TXNDC11: variants seen among roughly 807,000 people sequenced by gnomAD.
TXNDC11 encodes thioredoxin domain-containing protein 11.
Under a neutral mutation model 78.0 loss-of-function variants are expected in TXNDC11, and 68 were observed. The ratio of observed to expected loss-of-function variants is 0.87; its 90% CI spans 0.72 to 1.07. TXNDC11 has a LOEUF of 1.07. Among genes scored for constraint, TXNDC11 ranks in the 50% least tolerant of loss-of-function variants. The pLI is 0.00. For missense variants in TXNDC11, 1,389 were observed against 1,221.8 expected (o/e 1.14, Z -2.04); for synonymous variants, 571 against 495.2 (o/e 1.15, Z -2.03).
chr16:11,710,763 C>T (rs2051326693), intron 5 of TXNDC11, among the ~76,000 whole-genome samples: 1 of 152,092 alleles, frequency 6.6e-6, no homozygotes, highest in African/African-American at 2.4e-5. Context: ...TGCAATGAGC[C>T]GTGACTGTGC....
At position 11,742,718 on chromosome 16, in the gene TXNDC11, C is replaced by A; in HGVS notation, c.13G>T (p.Gly5Ter). MSEC[G>*]GRGGGSSSSE... is the part of the protein sequence containing the mutation. The stretch of plus-strand genomic sequence containing the variant: ...CTGCTGCTGCCGCCGCCGCGGCCTC[C>A]GCATTCCGACATTACATGCTCCCAG... Residue 5 changes from glycine (G) to a stop codon, truncating the protein, a stop_gained, in exon 1 of 12, where the codon GGA becomes TGA. Coordinates refer to ENST00000283033, the MANE Select transcript of TXNDC11 (RefSeq NM_015914.7). LOFTEE classifies it high-confidence loss of function. 3.4e-6 allele frequency: 5 copies of A among 1,483,644 alleles called. No homozygotes were observed. The highest frequency in any genetic ancestry group is 4.4e-6 in the Non-Finnish European group (5 of 1,127,236). The allele number at this position is 1,483,644 out of a possible 1,614,324, so 91.9% of individuals were successfully genotyped here.
chr16:11,695,697 A>G (rs1449846972), intron 7 of TXNDC11, among the ~76,000 whole-genome samples: 1 of 152,124 alleles, frequency 6.6e-6, no homozygotes, highest in East Asian at 1.9e-4. Flanking sequence ...AAACGTTCGT[A>G]ATGATAACGC....
intron 7 of TXNDC11, chr16:11,692,294 T>C: frequency 4.0e-6 from 2 of 495,044 alleles, no homozygotes; most frequent in South Asian, 3.8e-5. Flanking sequence ...TTACAAAAAC[T>C]GCGAGCCATC....
chr16:11,703,596 G>C (rs200225105), intron 5 of TXNDC11: 2 of 675,958 alleles, frequency 3.0e-6, no homozygotes, highest in African/African-American at 3.6e-5. Context: ...CACATGTGTG[G>C]GTATAATACA....
chr16:11,715,412 A>C (rs1335176873), intron 5 of TXNDC11, among the ~76,000 whole-genome samples: 1 of 151,244 alleles, frequency 6.6e-6, no homozygotes, highest in Non-Finnish European at 1.5e-5. Context: ...CATGAGTTCA[A>C]GGTTACCACT....
At chr16:11,742,315 AGGT>A (rs2052424149) in intron 1 of TXNDC11, 159 bp downstream of exon 1, 1 of 509,378 alleles carries the variant, frequency 2.0e-6, no homozygotes, top group Non-Finnish European at 3.2e-6. Flanking sequence ...GGCGAGGAGA[AGGT>A]GGGAAGCCGT....
intron 5 of TXNDC11, among the ~76,000 whole-genome samples, chr16:11,700,932 C>T (rs1034823477): frequency 6.6e-6 from 1 of 152,124 alleles, no homozygotes; most frequent in African/African-American, 2.4e-5. Flanking sequence ...CTCATCTCAG[C>T]TCCTACTTTC....
intron 4 of TXNDC11, among the ~76,000 whole-genome samples, chr16:11,722,704 G>C (rs1391620682): frequency 6.6e-6 from 1 of 152,126 alleles, no homozygotes; most frequent in Admixed American, 6.5e-5. Context: ...CAAATGAAAA[G>C]AATCCTTTTG....
In TXNDC11 at chr16:11,679,664, A is replaced by C. The variant is rs2050368387; in HGVS notation, c.2408T>G (p.Leu803Trp). The stretch of plus-strand genomic sequence containing the variant: ...TCTCAGTTTCTGGATCTCTCTCTCC[A>C]AGTGGGAGATGTGCCCCCGCTGTAA... The part of the protein sequence containing the change: ...AVLQRGHISH[L>W]EREIQKLRAE... The change falls in exon 12 of 12, where the codon TTG (leucine) becomes TGG (tryptophan). Residue 803 changes from leucine to tryptophan, a missense_variant. Transcript: ENST00000283033. The surrounding 1 kb of genome is among the most constrained non-coding windows in gnomAD (Gnocchi z 4.6). The C allele has an allele frequency of 1.2e-6, 2 of 1,614,112 alleles. No homozygotes were observed. Among genetic ancestry groups the C allele is most frequent in the Non-Finnish European group, 1.7e-6 (2 of 1,180,004 alleles).
In TXNDC11 at chr16:11,724,933, G is replaced by C. The variant is rs1234392225; in HGVS notation, c.700-3263C>G. 9.9e-5 allele frequency among the ~76,000 whole-genome samples: 15 copies of C among 152,206 alleles called. No individual in the cohort carries two copies. The East Asian group carries it at 2.7e-3, about 27-fold the overall frequency. On this transcript the variant is annotated intron_variant, in intron 4 of 11. Transcript: ENST00000283033. The stretch of plus-strand genomic sequence containing the variant: ...GCTAATTTTTTGTATTTTTAGTAGA[G>C]ACGAGGTTTCACCATGTTGGCCAGG...
intron 11 of TXNDC11, among the ~76,000 whole-genome samples, chr16:11,680,632 G>A (rs945902725): frequency 1.3e-5 from 2 of 152,166 alleles, no homozygotes; most frequent in African/African-American, 4.8e-5. Flanking sequence ...CAGCCTGGCT[G>A]CAATTGATCA....
intron 3 of TXNDC11, among the ~76,000 whole-genome samples, chr16:11,733,585 T>G (rs752078684): frequency 1.4e-4 from 22 of 152,046 alleles, no homozygotes; most frequent in Non-Finnish European, 2.6e-4. Flanking sequence ...TTCTTCCCAA[T>G]AGAATAGATG....
At chr16:11,706,597 G>C (rs1189363435) in intron 5 of TXNDC11, among the ~76,000 whole-genome samples, 1 of 152,206 alleles carries the variant, frequency 6.6e-6, no homozygotes, top group Non-Finnish European at 1.5e-5. Flanking sequence ...GTCATCTCTT[G>C]TGAGTGTGGG....
chr16:11,705,264 G>A (rs1361941634), intron 5 of TXNDC11, among the ~76,000 whole-genome samples: 3 of 152,168 alleles, frequency 2.0e-5, no homozygotes, highest in East Asian at 1.9e-4. Flanking sequence ...TTAACAATGG[G>A]GGAAACTGGC....
intron 7 of TXNDC11, among the ~76,000 whole-genome samples, chr16:11,695,812 C>T (rs913914268): frequency 2.0e-5 from 3 of 152,078 alleles, no homozygotes; most frequent in African/African-American, 4.8e-5. Flanking sequence ...GAAGACCGAT[C>T]GCTTGAGCCC....
At chr16:11,728,723 A>T (rs2051956547) in intron 4 of TXNDC11, among the ~76,000 whole-genome samples, 1 of 152,190 alleles carries the variant, frequency 6.6e-6, no homozygotes, top group Non-Finnish European at 1.5e-5. Flanking sequence ...AGGCAGAACG[A>T]TCGCTTGAGC....
At position 11,742,743 on chromosome 16, in the gene TXNDC11, G is replaced by T; in HGVS notation, c.-13C>A. 8 of 1,461,514 alleles carry T rather than the reference G, an allele frequency of 5.5e-6. No individual in the cohort carries two copies. The highest frequency in any genetic ancestry group is 7.2e-6 in the Non-Finnish European group (8 of 1,115,592). 90.5% of individuals were successfully genotyped at this position (1,461,514 alleles called of 1,614,324 possible). A position where few individuals can be genotyped will look rare whatever the true frequency, so the allele number is the denominator to read the frequency against. ...CGCATTCCGACATTACATGCTCCCA[G>T]TCGCCGGCTTTATACCGCCGCCGCC... On this transcript the variant is annotated 5_prime_UTR_variant, in exon 1 of 12. In the 5' UTR this introduces an upstream ATG that the reference lacks. Transcript: ENST00000283033.
In TXNDC11 at chr16:11,691,998, C is replaced by T. The variant is rs374056196; in HGVS notation, c.1192G>A (p.Ala398Thr). 6.3e-7 allele frequency: 1 copy of T among 1,575,452 alleles called. No homozygotes were observed. The highest frequency in any genetic ancestry group is 1.4e-5 in the African/African-American group (1 of 74,042). Residue 398 changes from alanine (A) to threonine (T), a missense_variant, in exon 8 of 12, where the codon GCT (alanine) becomes ACT (threonine). Transcript: ENST00000283033. The stretch of plus-strand genomic sequence containing the variant: ...AGGGCCAGGGACTCCAGCACTGGAG[C>T]ATCCACCCGCCGCAGGTGCTGAAGG... ...RLLQHLRRVD[A>T]PVLESLALEV...
chr16:11,685,044 A>G (rs1269031255), intron 10 of TXNDC11, among the ~76,000 whole-genome samples: 1 of 152,246 alleles, frequency 6.6e-6, no homozygotes, highest in East Asian at 1.9e-4. Context: ...TATGTGTCCA[A>G]AAGGATGAAA....
Sources: allele counts gnomAD v4.1 joint callset (sites outside exome capture counted in the v4.1 genomes callset), GRCh38; gene constraint gnomAD v4.1.1; non-coding constraint Gnocchi (gnomAD v3.1); transcripts MANE v1.5; gene names NCBI Gene and HGNC (gene_info 2026-07-23, HGNC 2026-07-21).